Variants in ACOX3 observed in about 807,000 individuals in gnomAD.
The protein encoded by ACOX3 is acyl-CoA oxidase 3, pristanoyl, also known as peroxisomal acyl-coenzyme A oxidase 3.
Under a neutral mutation model 81.5 loss-of-function variants are expected in ACOX3, and 73 were observed. The observed-to-expected ratio is 0.90, with a 90% CI of 0.74 to 1.09. The LOEUF (loss-of-function observed/expected upper bound fraction) is 1.09, where lower values mean the gene tolerates loss of function less well. ACOX3 is among the 50% of genes least tolerant of loss of function. The pLI is 0.00. For synonymous variants in ACOX3, 387 were observed against 375.1 expected, an observed-to-expected ratio of 1.03 and a Z score of -0.37; for missense variants, 947 against 928.0, an observed-to-expected ratio of 1.02 and a Z score of -0.27.
At position 8,430,069 on chromosome 4, in the gene ACOX3, G is replaced by A. The variant is rs1411312985; in HGVS notation, c.-15+10579C>T. ...TTTAAGATGTTGGTAGGACATCTGG[G>A]TGGGGATACTCAGGTCATGTTTGGA... On this transcript the variant is annotated intron_variant, in intron 1 of 17. Coordinates refer to ENST00000356406, the MANE Select transcript of ACOX3 (RefSeq NM_003501.3). This position sits in a 1 kb window ranked among gnomAD's most constrained non-coding sequence, Gnocchi z 5.2. Among the ~76,000 whole-genome samples the A allele has an allele frequency of 6.6e-6, 1 of 152,226 alleles. No homozygotes were observed. The highest frequency in any genetic ancestry group is 2.4e-5 in the African/African-American group (1 of 41,448).
In ACOX3 at chr4:8,416,813, T is replaced by C. The variant is rs369912358; in HGVS notation, c.-14-278A>G. On this transcript the variant is annotated intron_variant, in intron 1 of 17. Coordinates refer to ENST00000356406, the MANE Select transcript of ACOX3 (RefSeq NM_003501.3). The surrounding 1 kb of genome is among the most constrained non-coding windows in gnomAD (Gnocchi z 4.2). ...CACCAGGCACACAGGGCAGAGGGTT[T>C]GTCAGAGTCTTGTTTTCTGTCACAC... is the stretch of plus-strand genomic sequence containing the variant. Among the ~76,000 whole-genome samples the C allele has an allele frequency of 1.1e-4, 17 of 152,326 alleles. No homozygotes were observed. The East Asian group carries it at 2.9e-3, about 26-fold the overall frequency.
rs890102925 is a variant in ACOX3, at chr4:8,401,086, A to G, written c.777-1434T>C. Among the ~76,000 whole-genome samples, 47 of 151,944 alleles carry G rather than the reference A, an allele frequency of 3.1e-4. 1 individual carries two copies. The highest frequency in any genetic ancestry group is 4.4e-5 in the Non-Finnish European group (3 of 67,992). ...CTTAGATCCCTCACATGCGCAGTTCACAGTAGGATTCACGCTCCTATAAGA... is the reference window on the plus strand; with the variant it reads ...CTTAGATCCCTCACATGCGCAGTTCGCAGTAGGATTCACGCTCCTATAAGA... On this transcript the variant is annotated intron_variant, in intron 7 of 17. Transcript: ENST00000356406.
In ACOX3 at chr4:8,414,407, G is replaced by C; in HGVS notation, c.454-26C>G. 6.3e-7 allele frequency: 1 copy of C among 1,598,488 alleles called. No individual in the cohort carries two copies. Among genetic ancestry groups the C allele is most frequent in the Non-Finnish European group, 8.6e-7 (1 of 1,165,772 alleles). Reference sequence around the variant, plus strand: ...CTAAATGTCAAAGCACAAAATGATGGAAAGCAAGAAAAGTTCTTTGTGCAC... The same window carrying C: ...CTAAATGTCAAAGCACAAAATGATGCAAAGCAAGAAAAGTTCTTTGTGCAC... On this transcript the variant is annotated intron_variant, in intron 4 of 17. Transcript: ENST00000356406. The surrounding 1 kb of genome is among the most constrained non-coding windows in gnomAD (Gnocchi z 6.1).
At chr4:8,356,452 G>C in the ACOX3 span, 1 of 428,996 alleles carries the variant, frequency 2.3e-6, no homozygotes, top group South Asian at 1.7e-5. Flanking sequence ...TCTCTCAGGA[G>C]GAAGTTTGCT....
At chr4:8,357,684 A>G in the ACOX3 span, 5 of 264,354 alleles carry the variant, frequency 1.9e-5, no homozygotes, top group East Asian at 4.6e-4. Flanking sequence ...CTACACCTCA[A>G]CCTACTCCAC....
chr4:8,381,640 A>G lies in ACOX3; in HGVS notation c.1538-33T>C. 1 of 1,498,340 alleles carries G rather than the reference A, an allele frequency of 6.7e-7. No homozygotes were observed. The highest frequency in any genetic ancestry group is 9.3e-7 in the Non-Finnish European group (1 of 1,078,202). 92.8% of individuals were successfully genotyped at this position (1,498,340 alleles called of 1,614,324 possible). A position where few individuals can be genotyped will look rare whatever the true frequency, so the allele number is the denominator to read the frequency against. On this transcript the variant is annotated intron_variant, in intron 13 of 17. Transcript: ENST00000356406. The surrounding 1 kb of genome is among the most constrained non-coding windows in gnomAD (Gnocchi z 4.3). ...ATGACAAACAGAAGGAGAAAAAGTAACAATAGAGAACACAGCATTTGTCAC... is the reference window on the plus strand; with the variant it reads ...ATGACAAACAGAAGGAGAAAAAGTAGCAATAGAGAACACAGCATTTGTCAC...
chr4:8,386,522 T>C lies in ACOX3; in HGVS notation c.1537+2651A>G, dbSNP rs1344254550. 5.7e-5 allele frequency among the ~76,000 whole-genome samples: 8 copies of C among 139,162 alleles called. No homozygotes were observed. Among genetic ancestry groups the C allele is most frequent in the South Asian group, 4.5e-4 (2 of 4,448 alleles). The allele number at this position is 139,162 out of a possible 152,430, so 91.3% of individuals were successfully genotyped here. A position where few individuals can be genotyped will look rare whatever the true frequency, so the allele number is the denominator to read the frequency against. On this transcript the variant is annotated intron_variant, in intron 13 of 17. Transcript: ENST00000356406. This position sits in a 1 kb window ranked among gnomAD's most constrained non-coding sequence, Gnocchi z 5.2. The stretch of plus-strand genomic sequence containing the variant: ...TGGAGCTTGCAGTGAGCCGAGATCA[T>C]ACCACTGCACTCCAGCCTGGGCGAC...
At chr4:8,358,033 C>T in the ACOX3 span, 4 of 152,630 alleles carry the variant, frequency 2.6e-5, no homozygotes, top group East Asian at 3.9e-4. Context: ...AAACAGAGAT[C>T]CTAGACTGAC....
chr4:8,373,087 A>T (rs1370759834), intron 16 of ACOX3, among the ~76,000 whole-genome samples: 1 of 152,110 alleles, frequency 6.6e-6, no homozygotes. Flanking sequence ...GAATATAATA[A>T]ACAAGGAAAC....
At chr4:8,359,081 G>A in the ACOX3 span, among the ~76,000 whole-genome samples, 1 of 152,112 alleles carries the variant, frequency 6.6e-6, no homozygotes, top group Non-Finnish European at 1.5e-5. This position sits in a 1 kb window ranked among gnomAD's most constrained non-coding sequence, Gnocchi z 6.0. Context: ...AAGTGATGGG[G>A]TCCTGTAACA....
downstream of ACOX3, among the ~76,000 whole-genome samples, chr4:8,364,581 C>T (rs1369916399): frequency 6.6e-6 from 1 of 152,072 alleles, no homozygotes; most frequent in Non-Finnish European, 1.5e-5. The surrounding 1 kb of genome is among the most constrained non-coding windows in gnomAD (Gnocchi z 5.0). Context: ...TGGCCACAGG[C>T]ATCGCAGAGC....
At chr4:8,365,346 T>C (rs74566966), downstream of ACOX3, among the ~76,000 whole-genome samples, 506 of 152,356 alleles carry the variant, frequency 3.3e-3, 7 homozygotes, top group African/African-American at 0.011. Context: ...ACAAAACACA[T>C]GTAACCCACG....
chr4:8,361,425 CAAAAAAAAAAAAAAAAAAA>C (rs56251372), downstream of ACOX3, among the ~76,000 whole-genome samples: 1 of 39,036 alleles, frequency 2.6e-5, no homozygotes, highest in Non-Finnish European at 4.2e-5. Flanking sequence ...GACTCTATCT[CAAAAAAAAAAAAAAAAAAA>C]AAAAAAAAAA....
intron 9 of ACOX3, among the ~76,000 whole-genome samples, chr4:8,396,679 G>GAAAAAAAAAAAA (rs531424752): frequency 9.9e-6 from 1 of 100,686 alleles, no homozygotes. Flanking sequence ...CTCCGTCTGG[G>GAAAAAAAAAAAA]AAAAAAAAAA....
chr4:8,391,024 T>C (rs1316012576), intron 11 of ACOX3, among the ~76,000 whole-genome samples: 4 of 144,986 alleles, frequency 2.8e-5, no homozygotes, highest in African/African-American at 1.0e-4. Flanking sequence ...TGTATATGTA[T>C]ATGTATGTGT....
At position 8,407,616 on chromosome 4, in the gene ACOX3, G is replaced by A. The variant is rs1721139971; in HGVS notation, c.688-1573C>T. ...ACACGGGGGCCGGTGCTGCCGGGAGGACGTCGGGAATTTCATATTCACGTT... is the reference window on the plus strand; with the variant it reads ...ACACGGGGGCCGGTGCTGCCGGGAGAACGTCGGGAATTTCATATTCACGTT... On this transcript the variant is annotated intron_variant, in intron 6 of 17. Coordinates refer to ENST00000356406, the MANE Select transcript of ACOX3 (RefSeq NM_003501.3). The surrounding 1 kb of genome is among the most constrained non-coding windows in gnomAD (Gnocchi z 4.6). 6.6e-6 allele frequency among the ~76,000 whole-genome samples: 1 copy of A among 152,232 alleles called. No homozygotes were observed. Among genetic ancestry groups the A allele is most frequent in the Non-Finnish European group, 1.5e-5 (1 of 68,038 alleles).
rs867473382 is a variant in ACOX3 at position 8,426,841 on chromosome 4, C to T, written c.-14-10306G>A. Among the ~76,000 whole-genome samples, 9 of 152,232 alleles carry T rather than the reference C, an allele frequency of 5.9e-5. No homozygotes were observed. In the South Asian group the frequency reaches 1.9e-3, roughly 32 times the overall value. On this transcript the variant is annotated intron_variant, in intron 1 of 17. Coordinates refer to ENST00000356406, the MANE Select transcript of ACOX3 (RefSeq NM_003501.3). ...GATGCAGTCCATGACTAAGATCTAC[C>T]GTGGACCCCTGGACTGGCCTGCTAG...
At chr4:8,377,511 C>T (rs539576699) in intron 14 of ACOX3, among the ~76,000 whole-genome samples, 27 of 152,338 alleles carry the variant, frequency 1.8e-4, no homozygotes, top group Non-Finnish European at 2.8e-4. Flanking sequence ...CAAGCCTCAG[C>T]GTTGTCTCCT....
At chr4:8,358,674 A>T in the ACOX3 span, among the ~76,000 whole-genome samples, 1 of 152,178 alleles carries the variant, frequency 6.6e-6, no homozygotes, top group East Asian at 1.9e-4. Flanking sequence ...AGATGGCCAC[A>T]AGAGTGACCT....
Sources: allele counts gnomAD v4.1 joint callset (sites outside exome capture counted in the v4.1 genomes callset), GRCh38; gene constraint gnomAD v4.1.1; non-coding constraint Gnocchi (gnomAD v3.1); transcripts MANE v1.5; gene names NCBI Gene and HGNC (gene_info 2026-07-23, HGNC 2026-07-21).